The following CACNA2D4 variants were observed in gnomAD, a reference collection of about 807,000 sequenced individuals.
CACNA2D4 encodes voltage-dependent calcium channel subunit alpha-2/delta-4.
CACNA2D4 carries 157 observed loss-of-function variants against 163.8 expected under a neutral mutation model. The ratio of observed to expected loss-of-function variants is 0.96; its 90% confidence interval spans 0.84 to 1.09. The LOEUF (loss-of-function observed/expected upper bound fraction) is 1.09. Among genes scored for constraint, CACNA2D4 ranks in the 50% least tolerant of loss-of-function variants. CACNA2D4 has a pLI of 0.00. For synonymous variants in CACNA2D4, 598 were observed against 586.9 expected (o/e 1.02, Z -0.27); for missense variants, 1,410 against 1,479.9 (o/e 0.95, Z 0.78).
chr12:1,860,389 T>A (rs1188142152), intron 18 of CACNA2D4, among the ~76,000 whole-genome samples, 183 bp from the exon 19 acceptor site: 1 of 152,218 alleles, frequency 6.6e-6, no homozygotes, highest in Non-Finnish European at 1.5e-5. Context: ...CCTCTCTAGG[T>A]GCAGCAAACT....
intron 1 of CACNA2D4, among the ~76,000 whole-genome samples, chr12:1,916,145 G>C (rs891743513): frequency 6.6e-6 from 1 of 152,174 alleles, no homozygotes; most frequent in Non-Finnish European, 1.5e-5. Context: ...CGGGCTTCCA[G>C]TGTGGGTTGT....
At position 1,829,618 on chromosome 12, in the gene CACNA2D4, C is replaced by T. The variant is rs575359642; in HGVS notation, c.2551+11121G>A. Among the ~76,000 whole-genome samples, 142 of 151,852 alleles carry T rather than the reference C, an allele frequency of 9.4e-4. No homozygotes were observed. The highest frequency in any genetic ancestry group is 1.6e-3 in the Non-Finnish European group (110 of 67,922). On this transcript the variant is annotated intron_variant, in intron 26 of 37. Transcript: ENST00000382722. This position sits in a 1 kb window ranked among gnomAD's most constrained non-coding sequence, Gnocchi z 4.2. ...CTCATCCTGTTCCTTCAAGCTCCAC[C>T]CTTTGGGACAGCAGACACCCAGACC...
chr12:1,823,968 A>C (rs1864215658), intron 26 of CACNA2D4, among the ~76,000 whole-genome samples: 1 of 152,226 alleles, frequency 6.6e-6, no homozygotes, highest in African/African-American at 2.4e-5. Context: ...TCAGAGCCAT[A>C]TGATTCCATT....
intron 18 of CACNA2D4, among the ~76,000 whole-genome samples, chr12:1,872,585 C>T (rs1273491853): frequency 2.0e-5 from 3 of 152,110 alleles, no homozygotes; most frequent in Non-Finnish European, 2.9e-5. Flanking sequence ...GCAGGCAGGC[C>T]GACCATGGGG....
intron 18 of CACNA2D4, among the ~76,000 whole-genome samples, chr12:1,871,472 G>A (rs139864445): frequency 0.016 from 2,421 of 150,584 alleles, 56 homozygotes; most frequent in African/African-American, 0.057. Context: ...ACACGTGTGT[G>A]CTGCTAGTGT....
At chr12:1,898,892 G>A (rs1009472224) in intron 6 of CACNA2D4, among the ~76,000 whole-genome samples, 1 of 152,114 alleles carries the variant, frequency 6.6e-6, no homozygotes, top group Non-Finnish European at 1.5e-5. Context: ...AATTCATAGA[G>A]ATTGGCATAG....
chr12:1,884,998 T>C lies in CACNA2D4; in HGVS notation c.1147A>G (p.Ile383Val), dbSNP rs771220323. Residue 383 changes from isoleucine (I) to valine (V), a missense_variant, in exon 10 of 38, where the codon ATC (isoleucine) becomes GTC (valine). Transcript: ENST00000382722. ...ATTACAGTGGGCACCTGCTTCAGGA[T>C]CTGGAAGGCTTCTCTCAGGGCTTGG... ...VDQALREAFQ[I>V]LKQFQEAKQG... 1 of 1,613,756 alleles carries C rather than the reference T, an allele frequency of 6.2e-7. No individual in the cohort carries two copies. The highest frequency in any genetic ancestry group is 1.1e-5 in the South Asian group (1 of 91,074).
intron 13 of CACNA2D4, 130 bp downstream of exon 13, chr12:1,882,737 G>A (rs1027244697): frequency 2.4e-5 from 22 of 915,044 alleles, no homozygotes; most frequent in East Asian, 1.1e-4. Context: ...GGCTTCATTC[G>A]CCCCTTCTTA....
At chr12:1,832,766 A>G (rs7961753) in intron 26 of CACNA2D4, among the ~76,000 whole-genome samples, 17,791 of 152,304 alleles carry the variant, frequency 0.12, 1,439 homozygotes, top group Non-Finnish European at 0.17. Flanking sequence ...CATGTACATG[A>G]TTTTAAACCT....
At chr12:1,812,539 G>C (rs1863745946) in intron 26 of CACNA2D4, among the ~76,000 whole-genome samples, 1 of 152,258 alleles carries the variant, frequency 6.6e-6, no homozygotes, top group Non-Finnish European at 1.5e-5. Flanking sequence ...CAGCTTCCTA[G>C]TGTCTGGTAT....
intron 16 of CACNA2D4, among the ~76,000 whole-genome samples, chr12:1,877,097 T>C (rs1396599002): frequency 6.6e-6 from 1 of 152,240 alleles, no homozygotes; most frequent in Non-Finnish European, 1.5e-5. Context: ...TATTATTCCC[T>C]AATTGTTTCA....
Position 1,846,527 on chromosome 12 carries a change from C to T in CACNA2D4, c.2342+67G>A, listed in dbSNP as rs371560433. ...CCAGTCCACCCATGGCCCAGGAACACACCATGGGACTCTGGCCCTCTCTGC... is the reference window on the plus strand; with the variant it reads ...CCAGTCCACCCATGGCCCAGGAACATACCATGGGACTCTGGCCCTCTCTGC... On this transcript the variant is annotated intron_variant, in intron 24 of 37. Transcript: ENST00000382722. The T allele has an allele frequency of 3.0e-5, 39 of 1,308,682 alleles. No homozygotes were observed. The African/African-American group carries it at 3.8e-4, about 13-fold the overall frequency. 81.1% of individuals were successfully genotyped at this position (1,308,682 alleles called of 1,614,324 possible).
rs1437605857 is a variant in CACNA2D4 at position 1,802,965 on chromosome 12, A to G, written c.2722-1321T>C. On this transcript the variant is annotated intron_variant, in intron 29 of 37. Coordinates refer to ENST00000382722, the MANE Select transcript of CACNA2D4 (RefSeq NM_172364.5). The surrounding 1 kb of genome is among the most constrained non-coding windows in gnomAD (Gnocchi z 4.7). ...TTCCCCAAAGTGTCTTGGTACCTGG[A>G]CATACTCAGTCAGTGTGGAATGTTG... is the stretch of plus-strand genomic sequence containing the variant. Among the ~76,000 whole-genome samples the G allele has an allele frequency of 6.6e-6, 1 of 152,208 alleles. No homozygotes were observed.
Position 1,884,801 on chromosome 12 carries a change from C to T in CACNA2D4, c.1239G>A (p.Pro413=), listed in dbSNP as rs201783863. ...ISDGAVEDYE[P]VFEKYNWPDC... is the part of the protein sequence containing the mutation. ...CTGGCCAGTTATACTTCTCAAACAC[C>T]GGCTCGTAGTCCTCCACGGCGCCGT... Residue 413 remains proline (P), a synonymous_variant, in exon 11 of 38, where the codon CCG becomes CCA. Coordinates refer to ENST00000382722, the MANE Select transcript of CACNA2D4 (RefSeq NM_172364.5). The T allele has an allele frequency of 3.9e-4, 628 of 1,613,636 alleles. 9 individuals are homozygous for T. The highest frequency in any genetic ancestry group is 3.4e-3 in the South Asian group (309 of 91,038).
intron 30 of CACNA2D4, 21 bp from the exon 31 acceptor site, chr12:1,801,139 G>A (rs371688953): frequency 7.7e-5 from 124 of 1,609,072 alleles, no homozygotes; most frequent in Non-Finnish European, 9.3e-5. Flanking sequence ...GAAGCGGGCT[G>A]TGATGAGTCC....
At chr12:1,879,180 G>A (rs1865941648) in intron 14 of CACNA2D4, 144 bp from the exon 15 acceptor site, 1 of 620,684 alleles carries the variant, frequency 1.6e-6, no homozygotes, top group Admixed American at 2.7e-5. Flanking sequence ...TTCTAGGCTG[G>A]GAATAAAAAT....
chr12:1,851,676 T>TGTGTGTGTGC lies in CACNA2D4; in HGVS notation c.2246+2274_2246+2275insGCACACACAC, dbSNP rs1332982301. On this transcript the variant is annotated intron_variant, in intron 23 of 37. Transcript: ENST00000382722. ...TTGTGTGTGTGTGTGTGTGTGTGTGTGCGTTTTTTTTTTTTTTTTCCAGAG... is the reference window on the plus strand; with the variant it reads ...TTGTGTGTGTGTGTGTGTGTGTGTGTGTGTGTGTGCGCGTTTTTTTTTTTTTTTTCCAGAG... 1.9e-4 allele frequency among the ~76,000 whole-genome samples: 10 copies of TGTGTGTGTGC among 53,298 alleles called. No homozygotes were observed. In the East Asian group the frequency reaches 2.2e-3, roughly 12 times the overall value. The allele number at this position is 53,298 out of a possible 152,430, so 35.0% of individuals were successfully genotyped here.
chr12:1,878,596 A>T lies in CACNA2D4; in HGVS notation c.1645-207T>A, dbSNP rs1026826604. Among the ~76,000 whole-genome samples the T allele has an allele frequency of 2.0e-5, 3 of 151,736 alleles. No individual in the cohort carries two copies. Among genetic ancestry groups the T allele is most frequent in the African/African-American group, 7.3e-5 (3 of 41,370 alleles). ...AACCGGACTGTTTATAGCAACCGTC[A>T]TCATACATATTATTACCTGACTTCT... is the stretch of plus-strand genomic sequence containing the variant. On this transcript the variant is annotated intron_variant, in intron 15 of 37. Coordinates refer to ENST00000382722, the MANE Select transcript of CACNA2D4 (RefSeq NM_172364.5). This position sits in a 1 kb window ranked among gnomAD's most constrained non-coding sequence, Gnocchi z 4.6.
intron 34 of CACNA2D4, chr12:1,797,798 G>T: frequency 1.8e-6 from 1 of 547,172 alleles, no homozygotes. Context: ...CCTCTGGGGA[G>T]CCTGGCCCTC....
Sources: allele counts gnomAD v4.1 joint callset (sites outside exome capture counted in the v4.1 genomes callset), GRCh38; gene constraint gnomAD v4.1.1; non-coding constraint Gnocchi (gnomAD v3.1); transcripts MANE v1.5; gene names NCBI Gene and HGNC (gene_info 2026-07-23, HGNC 2026-07-21).